MIA2: variants seen among roughly 807,000 people sequenced by gnomAD.
MIA2 encodes melanoma inhibitory activity protein 2.
A neutral mutation model predicts 167.8 loss-of-function variants in MIA2; 127 were observed. That is an observed-to-expected ratio of 0.76 (90% CI 0.66 to 0.88). MIA2 has a LOEUF of 0.88. Among genes scored for constraint, MIA2 ranks in the 40% least tolerant of loss-of-function variants. MIA2 has a pLI of 0.00. For synonymous variants in MIA2, 552 were observed against 541.9 expected (o/e 1.02, Z -0.26); for missense variants, 1,690 against 1,624.7 (o/e 1.04, Z -0.69).
chr14:39,386,146 G>T, intron 23 of MIA2: 1 of 1,334,856 alleles, frequency 7.5e-7, no homozygotes, highest in South Asian at 1.2e-5. Flanking sequence ...ACTAGAGTCT[G>T]AAATAGGAAG....
At chr14:39,276,882 A>G in intron 6 of MIA2, 52 bp from the exon 7 acceptor site, 3 of 1,594,524 alleles carry the variant, frequency 1.9e-6, no homozygotes, top group Admixed American at 3.6e-5. Context: ...TTTGTAATCA[A>G]TATTTTTACC....
intron 6 of MIA2, among the ~76,000 whole-genome samples, chr14:39,271,485 G>A (rs1044244716): frequency 2.2e-4 from 33 of 152,224 alleles, no homozygotes; most frequent in African/African-American, 7.7e-4. Context: ...GCTATGTGGA[G>A]TCCCTTGCAT....
At chr14:39,239,242 T>G (rs1163009366) in intron 2 of MIA2, among the ~76,000 whole-genome samples, 1 of 152,194 alleles carries the variant, frequency 6.6e-6, no homozygotes, top group Non-Finnish European at 1.5e-5. Context: ...CTGCTTCTGG[T>G]GCCTTTAAAA....
At position 39,288,463 on chromosome 14, in the gene MIA2, A is replaced by AT. The variant is rs1371000878; in HGVS notation, c.2131-2555dup. On this transcript the variant is annotated intron_variant, in intron 9 of 28. Transcript: ENST00000640607. ...TATATATATATATATATATATATAT[A>AT]TATATATATATATTTTTTTTTTTTT... Among the ~76,000 whole-genome samples, 66 of 29,886 alleles carry AT rather than the reference A, an allele frequency of 2.2e-3. 1 individual carries two copies. The highest frequency in any genetic ancestry group is 2.9e-3 in the Non-Finnish European group (47 of 16,248). The allele number at this position is 29,886 out of a possible 152,430, so 19.6% of individuals were successfully genotyped here.
At chr14:39,343,238 G>T (rs1166944640) in intron 25 of MIA2, among the ~76,000 whole-genome samples, 2 of 152,170 alleles carry the variant, frequency 1.3e-5, no homozygotes, top group Admixed American at 6.6e-5. Flanking sequence ...TCCGCCTCCT[G>T]GGTTCAAGCG....
intron 28 of MIA2, 65 bp from the exon 29 acceptor site, chr14:39,350,033 A>T: frequency 1.7e-6 from 1 of 601,290 alleles, no homozygotes; most frequent in Non-Finnish European, 3.0e-6. Flanking sequence ...AAACTTAATG[A>T]TTTATTAGGG....
chr14:39,328,076 A>G (rs1298078732), intron 25 of MIA2, among the ~76,000 whole-genome samples: 1 of 152,034 alleles, frequency 6.6e-6, no homozygotes, highest in Admixed American at 6.6e-5. Context: ...ACTAACTTAC[A>G]CTCCCACTAA....
At chr14:39,323,935 C>T (rs1038506831) in intron 24 of MIA2, among the ~76,000 whole-genome samples, 2 of 152,172 alleles carry the variant, frequency 1.3e-5, no homozygotes, top group Admixed American at 6.6e-5. Context: ...AAGTTGTCAT[C>T]GGGTCTTACA....
chr14:39,287,841 A>G (rs1255165492), intron 9 of MIA2, among the ~76,000 whole-genome samples: 2 of 151,906 alleles, frequency 1.3e-5, no homozygotes, highest in Non-Finnish European at 2.9e-5. Flanking sequence ...GATTACAGGC[A>G]TGAGCCACTA....
intron 25 of MIA2, among the ~76,000 whole-genome samples, chr14:39,332,234 G>A (rs2069076984): frequency 6.6e-6 from 1 of 152,012 alleles, no homozygotes; most frequent in Non-Finnish European, 1.5e-5. Context: ...GATCAATTTG[G>A]CTATATTGAT....
At chr14:39,248,492 C>T (rs1444219145) in intron 4 of MIA2, among the ~76,000 whole-genome samples, 3 of 151,840 alleles carry the variant, frequency 2.0e-5, no homozygotes, top group African/African-American at 4.8e-5. Flanking sequence ...TCTACCTCCA[C>T]TCCCACTGCT....
chr14:39,333,354 G>A (rs1418400604), intron 25 of MIA2, among the ~76,000 whole-genome samples: 4 of 152,290 alleles, frequency 2.6e-5, no homozygotes, highest in Admixed American at 1.3e-4. Flanking sequence ...GTGGGGAACA[G>A]CTCAAATATT....
At chr14:39,308,841 T>G (rs1452536060) in intron 18 of MIA2, among the ~76,000 whole-genome samples, 1 of 152,226 alleles carries the variant, frequency 6.6e-6, no homozygotes, top group African/African-American at 2.4e-5. Context: ...CAGCAACTTA[T>G]TGCCTTAAAC....
chr14:39,382,758 T>C (rs1245707918), intron 23 of MIA2, among the ~76,000 whole-genome samples: 1 of 152,190 alleles, frequency 6.6e-6, no homozygotes, highest in Non-Finnish European at 1.5e-5. Flanking sequence ...CAGTTTTTCC[T>C]TTAGGATAGT....
intron 6 of MIA2, among the ~76,000 whole-genome samples, chr14:39,274,633 C>T (rs192313498): frequency 1.7e-4 from 26 of 149,062 alleles, no homozygotes; most frequent in African/African-American, 5.4e-4. Context: ...ACCACGTTGG[C>T]CAGACTGGTC....
chr14:39,384,288 G>A (rs567461210), intron 23 of MIA2, among the ~76,000 whole-genome samples: 5 of 152,236 alleles, frequency 3.3e-5, no homozygotes, highest in South Asian at 2.1e-4. Context: ...ATGTCAGCAC[G>A]TCTGTATACA....
chr14:39,271,236 AT>A (rs1185781961), intron 6 of MIA2, among the ~76,000 whole-genome samples: 1 of 151,942 alleles, frequency 6.6e-6, no homozygotes, highest in African/African-American at 2.4e-5. Context: ...TTTCTCATTG[AT>A]TTGTCTTAAT....
chr14:39,382,028 G>A (rs2075175470), intron 23 of MIA2, among the ~76,000 whole-genome samples: 1 of 152,122 alleles, frequency 6.6e-6, no homozygotes, highest in South Asian at 2.1e-4. Context: ...GCTAAAGACT[G>A]TTCTCTAGTG....
intron 6 of MIA2, among the ~76,000 whole-genome samples, chr14:39,268,706 T>A (rs2056517937): frequency 6.6e-6 from 1 of 152,130 alleles, no homozygotes; most frequent in Non-Finnish European, 1.5e-5. Flanking sequence ...AGATTAGATG[T>A]TAGGGAAACA....
Sources: allele counts gnomAD v4.1 joint callset (sites outside exome capture counted in the v4.1 genomes callset), GRCh38; gene constraint gnomAD v4.1.1; transcripts MANE v1.5; gene names NCBI Gene and HGNC (gene_info 2026-07-23, HGNC 2026-07-21).